Variants in TRIM66 observed in about 807,000 individuals in gnomAD.
TRIM66 encodes the protein tripartite motif containing 66.
A neutral mutation model predicts 148.2 loss-of-function variants in TRIM66; 99 were observed. That is an observed-to-expected ratio of 0.67 (90% CI 0.57 to 0.79). The LOEUF (loss-of-function observed/expected upper bound fraction) is 0.79, where lower values mean the gene tolerates loss of function less well. TRIM66 is among the 30% of genes least tolerant of loss of function. The pLI, the probability that TRIM66 is intolerant of heterozygous loss-of-function variation, is 0.00. For missense variants in TRIM66, 1,666 were observed against 1,697.9 expected (o/e 0.98, Z 0.33); for synonymous variants, 616 against 635.9 (o/e 0.97, Z 0.47).
At chr11:8,671,671 G>A in intron 6 of TRIM66, 115 bp downstream of exon 6, 2 of 621,682 alleles carry the variant, frequency 3.2e-6, no homozygotes, top group East Asian at 2.7e-5. Context: ...TCAGCAATGA[G>A]TGTCCCTTGG....
intron 7 of TRIM66, among the ~76,000 whole-genome samples, chr11:8,651,204 C>A (rs914538988): frequency 4.6e-5 from 7 of 152,134 alleles, no homozygotes; most frequent in Non-Finnish European, 1.0e-4. Flanking sequence ...ATATCCAGCA[C>A]AGGGTCTGGC....
rs1021313920 is a variant in TRIM66 at position 8,645,810 on chromosome 11, A to G, written c.1035T>C (p.His345=). 1.1e-5 allele frequency: 17 copies of G among 1,551,762 alleles called. No individual in the cohort carries two copies. The highest frequency in any genetic ancestry group is 2.7e-5 in the African/African-American group (2 of 73,180). The change falls in exon 12 of 25, where the codon CAT becomes CAC. Residue 345 remains histidine (H), a synonymous_variant. Transcript: ENST00000646038. ...CAGCCCAGTTGATGAAATTCTGCACATGCTCAAACTGACGGTTGAGAACCA... is the reference window on the plus strand; with the variant it reads ...CAGCCCAGTTGATGAAATTCTGCACGTGCTCAAACTGACGGTTGAGAACCA... The part of the protein sequence containing the change: ...SIMVLNRQFE[H]VQNFINWAVC...
At chr11:8,655,680 G>A (rs1331952373) in intron 6 of TRIM66, among the ~76,000 whole-genome samples, 1 of 152,166 alleles carries the variant, frequency 6.6e-6, no homozygotes, top group Non-Finnish European at 1.5e-5. Flanking sequence ...GCCTCGGGAG[G>A]CCAAGGCAGG....
At chr11:8,664,608 T>A (rs1009261015) in intron 6 of TRIM66, among the ~76,000 whole-genome samples, 1 of 152,192 alleles carries the variant, frequency 6.6e-6, no homozygotes, top group African/African-American at 2.4e-5. Flanking sequence ...AGTAAGTGCT[T>A]GATAAATGCA....
chr11:8,620,594 T>C (rs2034112148), intron 20 of TRIM66, 22 bp from the exon 21 acceptor site: 2 of 1,550,974 alleles, frequency 1.3e-6, no homozygotes, highest in Non-Finnish European at 1.7e-6. Context: ...GGTGAGGCCA[T>C]GTTAGGCCTC....
At position 8,640,518 on chromosome 11, in the gene TRIM66, G is replaced by GGGAGGGGGAAGGGGA; in HGVS notation, c.1842_1856dup (p.Leu616_Pro620dup). 39 of 1,542,118 alleles carry GGGAGGGGGAAGGGGA rather than the reference G, an allele frequency of 2.5e-5. No individual in the cohort carries two copies. Among genetic ancestry groups the GGGAGGGGGAAGGGGA allele is most frequent in the Non-Finnish European group, 3.3e-5 (38 of 1,143,464 alleles). On this transcript the variant is annotated inframe_insertion, in exon 14 of 25. Transcript: ENST00000646038. ...GAAGAGGTGGGTGTGGCTGCTGTGG[G>GGGAGGGGGAAGGGGA]GGAGGGGGAAGGGGAGGTGGGGGAT...
intron 6 of TRIM66, among the ~76,000 whole-genome samples, chr11:8,664,258 A>C (rs931167140): frequency 2.0e-5 from 3 of 152,210 alleles, no homozygotes. Flanking sequence ...ACAGTTTTAC[A>C]TGTCAGTTAA....
At chr11:8,625,953 C>T (rs1222336152) in intron 15 of TRIM66, among the ~76,000 whole-genome samples, 1 of 152,198 alleles carries the variant, frequency 6.6e-6, no homozygotes. Context: ...CAAAGATATT[C>T]CAAACCAGAG....
intron 12 of TRIM66, among the ~76,000 whole-genome samples, chr11:8,643,953 C>CATCTT (rs376849790): frequency 1.8e-3 from 268 of 152,308 alleles, no homozygotes; most frequent in African/African-American, 5.6e-3. Context: ...TCCCAACGAA[C>CATCTT]ATCTTAGCCT....
intron 15 of TRIM66, among the ~76,000 whole-genome samples, chr11:8,626,908 T>C (rs993676637): frequency 2.0e-5 from 3 of 152,178 alleles, no homozygotes; most frequent in Non-Finnish European, 4.4e-5. Flanking sequence ...CTCCACCCAC[T>C]ATCCTCACCC....
chr11:8,668,320 C>G (rs2038724990), intron 6 of TRIM66, among the ~76,000 whole-genome samples: 1 of 151,604 alleles, frequency 6.6e-6, no homozygotes, highest in Non-Finnish European at 1.5e-5. Context: ...GATATTAACC[C>G]AACAATGCTG....
At chr11:8,668,673 C>A (rs1158074965) in intron 6 of TRIM66, among the ~76,000 whole-genome samples, 1 of 151,968 alleles carries the variant, frequency 6.6e-6, no homozygotes, top group Non-Finnish European at 1.5e-5. Flanking sequence ...GCAATCTCCG[C>A]CTCCCGGGTT....
rs1432141675 is a variant in TRIM66, at chr11:8,622,355, C to T, written c.3080+461G>A. On this transcript the variant is annotated intron_variant, in intron 18 of 24. Coordinates refer to ENST00000646038, the MANE Select transcript of TRIM66 (RefSeq NM_001388022.1). ...CACACACACAACACACACACACACA[C>T]ACACACACACATATATATATATATA... Among the ~76,000 whole-genome samples the T allele has an allele frequency of 4.0e-3, 213 of 53,242 alleles. 3 individuals carry two copies. Among genetic ancestry groups the T allele is most frequent in the Non-Finnish European group, 9.5e-3 (183 of 19,270 alleles). The allele number at this position is 53,242 out of a possible 152,430, so 34.9% of individuals were successfully genotyped here.
intron 6 of TRIM66, among the ~76,000 whole-genome samples, chr11:8,668,655 G>A (rs1352290327): frequency 3.3e-5 from 5 of 150,902 alleles, no homozygotes; most frequent in African/African-American, 4.9e-5. Flanking sequence ...GTGCCATCTC[G>A]GCTCACTGCA....
At chr11:8,646,297 T>C (rs1203488330) in intron 11 of TRIM66, 150 bp downstream of exon 11, 3 of 682,024 alleles carry the variant, frequency 4.4e-6, no homozygotes, top group Non-Finnish European at 4.9e-6. Context: ...CCTCCCAAAA[T>C]TAGGCTGACA....
In TRIM66 at chr11:8,614,749, C is replaced by A. The variant is rs1038327805; in HGVS notation, c.*3195G>T. The A allele has an allele frequency of 6.6e-6, 1 of 152,604 alleles. No individual in the cohort carries two copies. The highest frequency in any genetic ancestry group is 6.5e-5 in the Admixed American group (1 of 15,286). The allele number at this position is 152,604 out of a possible 1,614,324, so 9.5% of individuals were successfully genotyped here. On this transcript the variant is annotated 3_prime_UTR_variant, in exon 25 of 25. Transcript: ENST00000646038. ...GCTAGAAATGGGTACAGGGAGGGAG[C>A]CAGAGTCCGCTGGTGGGGGATGGCA...
intron 20 of TRIM66, 81 bp downstream of exon 20, chr11:8,620,951 T>G: frequency 6.8e-7 from 1 of 1,479,610 alleles, no homozygotes; most frequent in Non-Finnish European, 9.0e-7. Flanking sequence ...TCCTGGGAGC[T>G]CTGTGGGCCT....
chr11:8,680,564 T>C (rs1196563417), intron 1 of TRIM66: 1 of 152,222 alleles, frequency 6.6e-6, no homozygotes, highest in Non-Finnish European at 1.5e-5. Context: ...ATTTTCATTA[T>C]CTAGGTGGAC....
At chr11:8,672,940 T>C (rs2039010792) in intron 4 of TRIM66, among the ~76,000 whole-genome samples, 2 of 128,030 alleles carry the variant, frequency 1.6e-5, no homozygotes, top group Non-Finnish European at 3.2e-5. Flanking sequence ...CCATACTCTT[T>C]TTTTTTTTTT....
Sources: allele counts gnomAD v4.1 joint callset (sites outside exome capture counted in the v4.1 genomes callset), GRCh38; gene constraint gnomAD v4.1.1; transcripts MANE v1.5; gene names NCBI Gene and HGNC (gene_info 2026-07-23, HGNC 2026-07-21).